The following ALPL variants were observed in gnomAD, a reference collection of about 807,000 sequenced individuals.
ALPL encodes the protein alkaline phosphatase, tissue-nonspecific isozyme.
Under a neutral mutation model 51.3 loss-of-function variants are expected in ALPL, and 42 were observed. The observed-to-expected ratio is 0.82, with a 90% confidence interval of 0.64 to 1.06. ALPL has a LOEUF of 1.06. Ranked by LOEUF, ALPL falls within the 50% of genes least tolerant of loss-of-function variation. The pLI is 0.00. For synonymous variants in ALPL, 279 were observed against 296.4 expected (o/e 0.94, Z 0.60); for missense variants, 589 against 709.4 (o/e 0.83, Z 1.93).
At chr1:21,559,873 G>GAC (rs201941256) in intron 2 of ALPL, among the ~76,000 whole-genome samples, 4 of 152,132 alleles carry the variant, frequency 2.6e-5, no homozygotes, top group South Asian at 2.1e-4. Flanking sequence ...TTGGTTGCTG[G>GAC]ACACACACAC....
intron 5 of ALPL, 77 bp downstream of exon 5, chr1:21,563,361 G>A (rs1644514746): frequency 1.3e-6 from 2 of 1,506,340 alleles, no homozygotes; most frequent in South Asian, 1.3e-5. Flanking sequence ...CTGTGTCATG[G>A]GAAGGGGCTA....
intron 1 of ALPL, among the ~76,000 whole-genome samples, chr1:21,539,947 C>A (rs533260538): frequency 6.6e-6 from 1 of 152,180 alleles, no homozygotes; most frequent in Non-Finnish European, 1.5e-5. Flanking sequence ...TGAGCCACCG[C>A]GCCCGGCCTG....
At chr1:21,563,311 G>A (rs910938615) in intron 5 of ALPL, 27 bp downstream of exon 5, 2 of 1,598,962 alleles carry the variant, frequency 1.3e-6, no homozygotes, top group African/African-American at 2.7e-5. Context: ...GTGGGGAGCA[G>A]GGCCAGCTTC....
Position 21,573,645 on chromosome 1 carries a change from C to T in ALPL, c.863-20C>T, listed in dbSNP as rs368892776. ...GGTCACAGCCTCTCAGCATCCACAT[C>T]CTCCTGGCGTCCTCCTCAGGTCTCT... On this transcript the variant is annotated intron_variant, in intron 8 of 11. Transcript: ENST00000374840. The T allele has an allele frequency of 1.2e-5, 19 of 1,612,970 alleles. No homozygotes were observed. In the African/African-American group the frequency reaches 1.7e-4, roughly 15 times the overall value.
rs1408360375 is a variant in ALPL, at chr1:21,577,725, G to A, written c.*77G>A. On this transcript the variant is annotated 3_prime_UTR_variant, in exon 12 of 12. Coordinates refer to ENST00000374840, the MANE Select transcript of ALPL (RefSeq NM_000478.6). ...ACGGCAGCCCCCCCCTCAAGGGGCA[G>A]GGAGGTGGGGGCCTCCTCAGCCTCT... 1.3e-6 allele frequency: 2 copies of A among 1,522,270 alleles called. No individual in the cohort carries two copies. Among genetic ancestry groups the A allele is most frequent in the Non-Finnish European group, 1.8e-6 (2 of 1,135,780 alleles). The allele number at this position is 1,522,270 out of a possible 1,614,324, so 94.3% of individuals were successfully genotyped here. A position where few individuals can be genotyped will look rare whatever the true frequency, so the allele number is the denominator to read the frequency against.
At position 21,564,382 on chromosome 1, in the gene ALPL, T is replaced by C. The variant is rs1021979360; in HGVS notation, c.648+166T>C. Among the ~76,000 whole-genome samples, 2 of 152,164 alleles carry C rather than the reference T, an allele frequency of 1.3e-5. No homozygotes were observed. Among genetic ancestry groups the C allele is most frequent in the Admixed American group, 1.3e-4 (2 of 15,282 alleles). On this transcript the variant is annotated intron_variant, in intron 6 of 11. Coordinates refer to ENST00000374840, the MANE Select transcript of ALPL (RefSeq NM_000478.6). The surrounding 1 kb of genome is among the most constrained non-coding windows in gnomAD (Gnocchi z 5.8). ...GATTTGCGGTTGGGCAGGCAGGCAC[T>C]GTGGGATTTCTCTGCGGTGGGGCTG...
rs2275370 is a variant in ALPL, at chr1:21,573,927, A to G, written c.997+128A>G. The G allele has an allele frequency of 0.77, 1,170,228 of 1,510,290 alleles. 454,038 individuals are homozygous for G. The highest frequency in any genetic ancestry group is 0.81 in the East Asian group (33,161 of 41,004). The allele number at this position is 1,510,290 out of a possible 1,614,324, so 93.6% of individuals were successfully genotyped here. ...AAGGGAGAGGTCCCTTTAGGAGAAT[A>G]GGTTGTGGAAGGAGACGGGTGGCAC... is the stretch of plus-strand genomic sequence containing the variant. On this transcript the variant is annotated intron_variant, in intron 9 of 11. Coordinates refer to ENST00000374840, the MANE Select transcript of ALPL (RefSeq NM_000478.6).
chr1:21,517,982 G>T (rs1460832723), intron 1 of ALPL, among the ~76,000 whole-genome samples: 1 of 152,006 alleles, frequency 6.6e-6, no homozygotes, highest in Non-Finnish European at 1.5e-5. Context: ...TGGTCATTGT[G>T]TGGGTGGGGG....
At chr1:21,542,840 C>T (rs537781400) in intron 1 of ALPL, among the ~76,000 whole-genome samples, 1 of 151,940 alleles carries the variant, frequency 6.6e-6, no homozygotes, top group East Asian at 1.9e-4. Context: ...TCCATCCCCC[C>T]AATCCCCCCA....
intron 2 of ALPL, 124 bp downstream of exon 2, chr1:21,554,266 G>A (rs1420730005): frequency 1.9e-6 from 2 of 1,028,442 alleles, no homozygotes; most frequent in Middle Eastern, 2.4e-4. Context: ...ACAGTGTTCA[G>A]AGCAGGAAAC....
chr1:21,562,212 A>G (rs1644494726), intron 4 of ALPL, among the ~76,000 whole-genome samples: 1 of 152,238 alleles, frequency 6.6e-6, no homozygotes, highest in African/African-American at 2.4e-5. Context: ...AAATGTATAT[A>G]CCTTAATTTA....
rs60717792 is a variant in ALPL, at chr1:21,576,255, ATGGATGGATGGATGGG to A, written c.1190-235_1190-220del. ...GGATGGATGGATGGATGGATGGATG[ATGGATGGATGGATGGG>A]TGGATGGATGGATGGGTGGATGGAT... On this transcript the variant is annotated intron_variant, in intron 10 of 11. Transcript: ENST00000374840. 0.53 allele frequency among the ~76,000 whole-genome samples: 74,353 copies of A among 141,344 alleles called. 20,179 individuals are homozygous for A. The highest frequency in any genetic ancestry group is 0.76 in the East Asian group (3,690 of 4,832). 92.7% of individuals were successfully genotyped at this position (141,344 alleles called of 152,430 possible). A position where few individuals can be genotyped will look rare whatever the true frequency, so the allele number is the denominator to read the frequency against.
At chr1:21,527,830 A>G (rs564516823) in intron 1 of ALPL, among the ~76,000 whole-genome samples, 69 of 151,670 alleles carry the variant, frequency 4.5e-4, no homozygotes, top group Non-Finnish European at 6.0e-4. Context: ...GATTATAGGC[A>G]TGACCACCAC....
In ALPL at chr1:21,547,095, A is replaced by T. The variant is rs138510328; in HGVS notation, c.-104-6883A>T. On this transcript the variant is annotated intron_variant, in intron 1 of 11. Transcript: ENST00000374840. Reference sequence around the variant, plus strand: ...TGACAGAAACTCTGTCCCGTTCCCGACTGTTTCCATAGAACCTAGCACAGA... The same window carrying T: ...TGACAGAAACTCTGTCCCGTTCCCGTCTGTTTCCATAGAACCTAGCACAGA... Among the ~76,000 whole-genome samples, 342 of 152,302 alleles carry T rather than the reference A, an allele frequency of 2.2e-3. 2 individuals are homozygous for T. Among genetic ancestry groups the T allele is most frequent in the African/African-American group, 7.9e-3 (329 of 41,560 alleles).
intron 1 of ALPL, among the ~76,000 whole-genome samples, chr1:21,533,420 A>G (rs1229798655): frequency 2.0e-5 from 3 of 151,746 alleles, no homozygotes; most frequent in Non-Finnish European, 4.4e-5. Flanking sequence ...TTCCAAATAC[A>G]CTCTCTGTTG....
chr1:21,575,815 G>A lies in ALPL; in HGVS notation c.1080G>A (p.Gly360=). 17 of 1,614,258 alleles carry A rather than the reference G, an allele frequency of 1.1e-5. No homozygotes were observed. Among genetic ancestry groups the A allele is most frequent in the Non-Finnish European group, 1.4e-5 (16 of 1,180,048 alleles). The change falls in exon 10 of 12, where the codon GGG becomes GGA. Residue 360 remains glycine (G), a synonymous_variant. Transcript: ENST00000374840. ...CGGTGGAGATGGACCGGGCCATCGG[G>A]CAGGCAGGCAGCTTGACCTCCTCGG... ...HEAVEMDRAI[G]QAGSLTSSED...
At chr1:21,571,646 TG>T (rs61273687) in intron 8 of ALPL, among the ~76,000 whole-genome samples, 27,823 of 151,114 alleles carry the variant, frequency 0.18, 3,084 homozygotes, top group East Asian at 0.45. Context: ...CACTCCAGCC[TG>T]GGTGACAGAG....
chr1:21,562,779 C>T lies in ALPL; in HGVS notation c.298-331C>T, dbSNP rs1183964890. ...CCCTTCTCCAGGACTCCCCTGCTCC[C>T]CAACCCCTTGCTGGCTCCTGCAGCC... is the stretch of plus-strand genomic sequence containing the variant. On this transcript the variant is annotated intron_variant, in intron 4 of 11. Transcript: ENST00000374840. Among the ~76,000 whole-genome samples the T allele has an allele frequency of 4.6e-5, 7 of 152,064 alleles. No homozygotes were observed. The South Asian group carries it at 1.5e-3, about 32-fold the overall frequency.
At chr1:21,540,304 A>T (rs574830267) in intron 1 of ALPL, among the ~76,000 whole-genome samples, 29 of 145,906 alleles carry the variant, frequency 2.0e-4, no homozygotes, top group Non-Finnish European at 3.2e-4. Flanking sequence ...CGATCTCCCT[A>T]CTGCGCCTCC....
Sources: gnomAD v4.1 joint callset for allele counts (sites outside exome capture counted in the v4.1 genomes callset) on GRCh38, gnomAD v4.1.1 for gene constraint, Gnocchi (gnomAD v3.1) non-coding constraint, MANE v1.5 for transcripts, NCBI Gene and HGNC (gene_info 2026-07-23, HGNC 2026-07-21) for gene names.